Variants in ABCC5 observed in about 807,000 individuals in gnomAD.
ABCC5 encodes ATP-binding cassette sub-family C member 5.
Under a neutral mutation model 160.9 loss-of-function variants are expected in ABCC5, and 61 were observed. The ratio of observed to expected loss-of-function variants is 0.38; its 90% confidence interval spans 0.31 to 0.47. The LOEUF (loss-of-function observed/expected upper bound fraction) is 0.47, where lower values mean the gene tolerates loss of function less well. Among genes scored for constraint, ABCC5 ranks in the 20% least tolerant of loss-of-function variants. ABCC5 has a pLI of 0.99. For missense variants in ABCC5, 1,308 were observed against 1,813.3 expected (o/e 0.72, Z 5.06); for synonymous variants, 666 against 700.6 (o/e 0.95, Z 0.78).
Position 183,965,209 on chromosome 3 carries a change from A to G in ABCC5, c.2007T>C (p.Ile669=). The G allele has an allele frequency of 6.2e-7, 1 of 1,614,220 alleles. No individual in the cohort carries two copies. The highest frequency in any genetic ancestry group is 8.5e-7 in the Non-Finnish European group (1 of 1,180,032). ...NSCCLRPDLA[I]LPSSDLTEIG... ...CCTCCGTCAGGTCGCTGCTGGGAAG[A>G]ATGGCCAGGTCAGGCCTCAGGCAGC... The change falls in exon 14 of 30, where the codon ATT becomes ATC. Residue 669 remains isoleucine (I), a synonymous_variant. Transcript: ENST00000334444.
intron 18 of ABCC5, 89 bp downstream of exon 18, chr3:183,952,997 T>C (rs1220089554): frequency 7.3e-7 from 1 of 1,379,028 alleles, no homozygotes; most frequent in Non-Finnish European, 9.9e-7. Flanking sequence ...AAGTGAAAAC[T>C]AGAACAGTTT....
At chr3:183,981,481 A>C in intron 8 of ABCC5, among the ~76,000 whole-genome samples, 1 of 152,208 alleles carries the variant, frequency 6.6e-6, no homozygotes, top group East Asian at 1.9e-4. Flanking sequence ...ATTCCTAACT[A>C]GCTGTGTTTT....
Position 183,978,609 on chromosome 3 carries a change from T to C in ABCC5, c.1190A>G (p.Tyr397Cys). The C allele has an allele frequency of 6.2e-7, 1 of 1,614,008 alleles. No individual in the cohort carries two copies. Among genetic ancestry groups the C allele is most frequent in the Non-Finnish European group, 8.5e-7 (1 of 1,179,988 alleles). Residue 397 changes from tyrosine (Y) to cysteine (C), a missense_variant, in exon 9 of 30, where the codon TAC becomes TGC. Transcript: ENST00000334444. ...EERRILEKAG[Y>C]FQSITVGVAP... is the part of the protein sequence containing the mutation. The stretch of plus-strand genomic sequence containing the variant: ...CACACCCACAGTGATGCTCTGGAAG[T>C]ACCCAGCTTTTTCCAATATCCGACG...
Position 184,014,317 on chromosome 3 carries a change from T to G in ABCC5, c.76A>C (p.Thr26Pro). The change falls in exon 2 of 30, where the codon ACT (threonine) becomes CCT (proline). Residue 26 changes from threonine to proline, a missense_variant. Physicochemically the swap from Thr to Pro is conservative, Grantham distance 38. Around this residue, in one of 3 missense-constraint regions of ABCC5, gnomAD observed 1,142 missense variants for 1,527.1 expected, o/e 0.75. Transcript: ENST00000334444. ...GYRSVRERTS[T>P]SGTHRDREDS... Reference sequence around the variant, plus strand: ...TCACGGTCTCTGTGCGTCCCAGAAGTGCTGGTTCTCTCCCTCACACTTCTA... The same window carrying G: ...TCACGGTCTCTGTGCGTCCCAGAAGGGCTGGTTCTCTCCCTCACACTTCTA... 1 of 1,614,120 alleles carries G rather than the reference T, an allele frequency of 6.2e-7. No homozygotes were observed. The highest frequency in any genetic ancestry group is 8.5e-7 in the Non-Finnish European group (1 of 1,179,998).
chr3:184,014,316 G>C lies in ABCC5; in HGVS notation c.77C>G (p.Thr26Ser). The change falls in exon 2 of 30, where the codon ACT becomes AGT. Residue 26 changes from threonine (T) to serine (S), a missense_variant. Thr to Ser is a moderately conservative substitution (Grantham distance 58). Transcript: ENST00000334444. ...GYRSVRERTS[T>S]SGTHRDREDS... ...TTCACGGTCTCTGTGCGTCCCAGAAGTGCTGGTTCTCTCCCTCACACTTCT... is the reference window on the plus strand; with the variant it reads ...TTCACGGTCTCTGTGCGTCCCAGAACTGCTGGTTCTCTCCCTCACACTTCT... 1 of 1,614,104 alleles carries C rather than the reference G, an allele frequency of 6.2e-7. No homozygotes were observed. Among genetic ancestry groups the C allele is most frequent in the Non-Finnish European group, 8.5e-7 (1 of 1,180,002 alleles).
At chr3:183,966,446 T>C (rs995669238) in intron 12 of ABCC5, among the ~76,000 whole-genome samples, 1 of 152,184 alleles carries the variant, frequency 6.6e-6, no homozygotes, top group Non-Finnish European at 1.5e-5. Context: ...CCCAACCCGT[T>C]TCCCTGCCAG....
At chr3:183,950,717 C>T (rs991248936) in intron 20 of ABCC5, among the ~76,000 whole-genome samples, 3 of 152,178 alleles carry the variant, frequency 2.0e-5, no homozygotes, top group African/African-American at 7.2e-5. Context: ...GAAATGGGAA[C>T]ATGTTATGTA....
chr3:184,005,435 G>C (rs1242964792), intron 2 of ABCC5, among the ~76,000 whole-genome samples: 2 of 152,020 alleles, frequency 1.3e-5, no homozygotes, highest in Non-Finnish European at 2.9e-5. Flanking sequence ...CCTTAAAAGG[G>C]GGGCAGGGAG....
intron 2 of ABCC5, among the ~76,000 whole-genome samples, chr3:183,996,800 G>C (rs1003120690): frequency 3.9e-5 from 6 of 152,180 alleles, no homozygotes; most frequent in Non-Finnish European, 7.4e-5. Flanking sequence ...AGTCTATATT[G>C]TTGATCAAAA....
chr3:183,927,428 G>C lies in ABCC5; in HGVS notation c.3949C>G (p.Leu1317Val), dbSNP rs779509985. The C allele has an allele frequency of 6.2e-7, 1 of 1,613,044 alleles. No individual in the cohort carries two copies. Among genetic ancestry groups the C allele is most frequent in the South Asian group, 1.1e-5 (1 of 90,782 alleles). Reference protein sequence around the residue: ...HMKECIAQLPLKLESEVMENG... With the variant: ...HMKECIAQLPVKLESEVMENG... ...TCCATCACTTCAGATTCAAGTTTCA[G>C]AGGTAGCTGAGCAATCTAGGGAGAA... Residue 1317 changes from leucine to valine, a missense_variant, in exon 28 of 30, where the codon CTG becomes GTG. This residue lies in a region of ABCC5 where 163 missense variants were observed against 269.7 expected (regional missense o/e 0.60). Transcript: ENST00000334444.
intron 29 of ABCC5, among the ~76,000 whole-genome samples, chr3:183,923,571 C>A (rs987974862): frequency 1.3e-5 from 2 of 152,040 alleles, no homozygotes; most frequent in Admixed American, 1.3e-4. Context: ...TGCAGTGAGC[C>A]AAGATTGCAC....
intron 2 of ABCC5, among the ~76,000 whole-genome samples, chr3:184,002,843 C>G (rs1720863238): frequency 6.6e-6 from 1 of 152,214 alleles, no homozygotes; most frequent in Non-Finnish European, 1.5e-5. Context: ...AGGATTCAAC[C>G]AAGTTGTTCC....
chr3:183,984,147 G>A (rs1277564250), intron 5 of ABCC5: 4 of 985,302 alleles, frequency 4.1e-6, no homozygotes, highest in Middle Eastern at 5.2e-4. Flanking sequence ...TGCTCAAAAT[G>A]GCTGGTGCTA....
At chr3:183,962,041 C>T (rs1028804471) in intron 15 of ABCC5, among the ~76,000 whole-genome samples, 3 of 152,064 alleles carry the variant, frequency 2.0e-5, no homozygotes, top group Admixed American at 6.6e-5. Flanking sequence ...CCTGAGCCAC[C>T]GCGCCCAGCT....
chr3:184,015,498 C>T (rs1232502991), intron 1 of ABCC5, among the ~76,000 whole-genome samples: 1 of 152,094 alleles, frequency 6.6e-6, no homozygotes, highest in African/African-American at 2.4e-5. Flanking sequence ...ACTTCTGCAG[C>T]ACAAAATTCT....
chr3:184,016,063 A>G (rs1196457423), intron 1 of ABCC5, among the ~76,000 whole-genome samples: 2 of 152,248 alleles, frequency 1.3e-5, no homozygotes, highest in Non-Finnish European at 2.9e-5. Context: ...ACATAATCTT[A>G]ATTATCTAAG....
chr3:184,013,900 T>G (rs1290255764), intron 2 of ABCC5, among the ~76,000 whole-genome samples: 4 of 152,090 alleles, frequency 2.6e-5, no homozygotes, highest in Non-Finnish European at 4.4e-5. Context: ...TGAGACTGAG[T>G]CTCGCTCTAT....
intron 3 of ABCC5, 85 bp downstream of exon 3, chr3:183,989,141 G>C: frequency 7.7e-7 from 1 of 1,292,200 alleles, no homozygotes; most frequent in Non-Finnish European, 1.0e-6. Context: ...ACTGGCGACA[G>C]AGCAAGACTC....
intron 24 of ABCC5, among the ~76,000 whole-genome samples, chr3:183,944,613 T>C (rs1714673326): frequency 6.6e-6 from 1 of 152,220 alleles, no homozygotes; most frequent in Non-Finnish European, 1.5e-5. Flanking sequence ...ATGATGCTGC[T>C]TCTTTATAAG....
Sources: allele counts gnomAD v4.1 joint callset (sites outside exome capture counted in the v4.1 genomes callset), GRCh38; gene constraint gnomAD v4.1.1; regional missense constraint gnomAD v4.1.1; transcripts MANE v1.5; gene names NCBI Gene and HGNC (gene_info 2026-07-23, HGNC 2026-07-21).